KIFC3: variants seen among roughly 807,000 people sequenced by gnomAD.
KIFC3 encodes kinesin-like protein KIFC3.
Under a neutral mutation model 101.8 loss-of-function variants are expected in KIFC3, and 60 were observed. The ratio of observed to expected loss-of-function variants is 0.59; its 90% CI spans 0.48 to 0.73. The LOEUF is 0.73. Ranked by LOEUF, KIFC3 falls within the 30% of genes least tolerant of loss-of-function variation. The pLI, the probability that KIFC3 is intolerant of heterozygous loss-of-function variation, is 0.00. For synonymous variants in KIFC3, 476 were observed against 482.7 expected (o/e 0.99, Z 0.18); for missense variants, 966 against 1,137.1 (o/e 0.85, Z 2.16).
intron 3 of KIFC3, among the ~76,000 whole-genome samples, chr16:57,777,702 C>G (rs1378312484): frequency 6.7e-6 from 1 of 149,736 alleles, no homozygotes; most frequent in Non-Finnish European, 1.5e-5. Flanking sequence ...GCCTGGGCAG[C>G]AGAGCAAGAC....
chr16:57,759,920 C>T, intron 17 of KIFC3, 84 bp from the exon 18 acceptor site: 1 of 1,045,400 alleles, frequency 9.6e-7, no homozygotes, highest in Non-Finnish European at 1.4e-6. Flanking sequence ...CTCCCCTGCC[C>T]TGCCTCCTAA....
chr16:57,776,702 A>T (rs1315831105), intron 3 of KIFC3: 1 of 152,380 alleles, frequency 6.6e-6, no homozygotes, highest in Non-Finnish European at 1.5e-5. Context: ...TGTAGGAAGA[A>T]TGCTGAATGC....
intron 1 of KIFC3, among the ~76,000 whole-genome samples, chr16:57,847,914 TA>T (rs2055968758): frequency 6.6e-6 from 1 of 151,758 alleles, no homozygotes; most frequent in Admixed American, 6.6e-5. Context: ...GCCTCCCAAG[TA>T]GCTGGGGACA....
At position 57,771,682 on chromosome 16, in the gene KIFC3, C is replaced by A; in HGVS notation, c.386G>T (p.Gly129Val). The change falls in exon 5 of 20, where the codon GGC (glycine) becomes GTC (valine). Residue 129 changes from glycine (G) to valine (V), a missense_variant. Around this residue, in one of 2 missense-constraint regions of KIFC3, gnomAD observed 277 missense variants for 252.5 expected, o/e 1.10. Coordinates refer to ENST00000445690, the MANE Select transcript of KIFC3 (RefSeq NM_001130100.2). ...EVSRLRSELG[G>V]TDLEKHRDLL... The stretch of plus-strand genomic sequence containing the variant: ...GTCCCGGTGCTTCTCCAAGTCGGTG[C>A]CCCCCTGCAGAGAGCCAGGGCCGAG... 1.2e-6 allele frequency: 2 copies of A among 1,610,722 alleles called. No homozygotes were observed. The highest frequency in any genetic ancestry group is 2.2e-5 in the East Asian group (1 of 44,798).
intron 1 of KIFC3, among the ~76,000 whole-genome samples, chr16:57,830,239 T>TC (rs202168865): frequency 0.025 from 3,566 of 145,200 alleles, 124 homozygotes; most frequent in African/African-American, 0.086. Context: ...TTTCTTTCTT[T>TC]TTTTTTTTTT....
chr16:57,860,219 C>T (rs938586794), intron 1 of KIFC3, among the ~76,000 whole-genome samples: 5 of 151,908 alleles, frequency 3.3e-5, no homozygotes, highest in African/African-American at 7.3e-5. Context: ...TTCGGGAGGC[C>T]GAAGCAGGTG....
At chr16:57,807,976 GA>G (rs1339020659), upstream of KIFC3, 1 of 111,706 alleles carries the variant, frequency 9.0e-6, no homozygotes, top group Non-Finnish European at 1.8e-5. Flanking sequence ...AAGAGGACTA[GA>G]AAATAAAAAG....
chr16:57,795,761 C>A (rs1046540920), intron 2 of KIFC3, among the ~76,000 whole-genome samples: 88 of 152,140 alleles, frequency 5.8e-4, no homozygotes, highest in African/African-American at 2.1e-3. Context: ...TGGGGGCCAG[C>A]CTCACGAGTC....
chr16:57,805,917 T>G (rs2054925623), upstream of KIFC3, among the ~76,000 whole-genome samples: 1 of 152,118 alleles, frequency 6.6e-6, no homozygotes. Flanking sequence ...TTTTGTATTT[T>G]TAGTAGAGAC....
chr16:57,778,936 G>A (rs941499103), intron 3 of KIFC3, among the ~76,000 whole-genome samples: 4 of 152,120 alleles, frequency 2.6e-5, no homozygotes, highest in African/African-American at 9.7e-5. Context: ...AAAAACAAGT[G>A]CTGATAAGGA....
intron 7 of KIFC3, 96 bp downstream of exon 7, chr16:57,770,431 T>G: frequency 1.8e-6 from 2 of 1,129,168 alleles, no homozygotes; most frequent in South Asian, 2.3e-5. Context: ...CTGGACCCCG[T>G]GTCTGTGGGG....
intron 9 of KIFC3, among the ~76,000 whole-genome samples, chr16:57,768,535 A>ACACACACACACACACG (rs1555604781): frequency 9.2e-5 from 14 of 151,774 alleles, no homozygotes; most frequent in African/African-American, 2.4e-5. Context: ...ACACACACAC[A>ACACACACACACACACG]CGCACAATTG....
intron 1 of KIFC3, among the ~76,000 whole-genome samples, chr16:57,828,811 G>A (rs774594132): frequency 6.6e-6 from 1 of 151,576 alleles, no homozygotes; most frequent in East Asian, 1.9e-4. Context: ...CCCCCTCCAC[G>A]CACAAGCCCC....
chr16:57,777,836 C>T (rs991076448), intron 3 of KIFC3, among the ~76,000 whole-genome samples: 7 of 152,074 alleles, frequency 4.6e-5, no homozygotes, highest in South Asian at 4.1e-4. Context: ...AATAAACCCT[C>T]GCATATATGG....
At chr16:57,842,008 T>C (rs1296926523) in intron 1 of KIFC3, among the ~76,000 whole-genome samples, 1 of 151,984 alleles carries the variant, frequency 6.6e-6, no homozygotes, top group African/African-American at 2.4e-5. Context: ...ACCGGCCATC[T>C]CCTGCCTTCT....
At chr16:57,771,471 G>C (rs1555608273) in intron 5 of KIFC3, 34 bp from the exon 6 acceptor site, 1 of 1,612,608 alleles carries the variant, frequency 6.2e-7, no homozygotes, top group Admixed American at 1.7e-5. Context: ...ATGAGTGCAA[G>C]GGACAGGCTC....
chr16:57,782,035 CT>C, intron 3 of KIFC3: 3 of 985,488 alleles, frequency 3.0e-6, no homozygotes, highest in Non-Finnish European at 3.6e-6. Context: ...AGTGTACCCC[CT>C]GGCGGGCTTT....
chr16:57,775,106 T>C, intron 3 of KIFC3: 1 of 1,471,524 alleles, frequency 6.8e-7, no homozygotes, highest in Non-Finnish European at 8.9e-7. Flanking sequence ...GGCCCAGGGT[T>C]CTGTTCTGTC....
At chr16:57,837,804 C>T (rs892298730) in intron 1 of KIFC3, among the ~76,000 whole-genome samples, 5 of 152,108 alleles carry the variant, frequency 3.3e-5, no homozygotes, top group Non-Finnish European at 7.3e-5. Context: ...CAGAAAACCC[C>T]GTCTGAGAAC....
Sources: allele counts gnomAD v4.1 joint callset (sites outside exome capture counted in the v4.1 genomes callset), GRCh38; gene constraint gnomAD v4.1.1; regional missense constraint gnomAD v4.1.1; transcripts MANE v1.5; gene names NCBI Gene and HGNC (gene_info 2026-07-23, HGNC 2026-07-21).